Variants in RBFOX1 observed in about 807,000 individuals in gnomAD.
The protein encoded by RBFOX1 is RNA binding fox-1 homolog 1, also known as RNA binding protein fox-1 homolog 1.
Under a neutral mutation model 57.7 loss-of-function variants are expected in RBFOX1, and 8 were observed. That is an observed-to-expected ratio of 0.14 (90% CI 0.08 to 0.25). RBFOX1 has a LOEUF of 0.25. Ranked by LOEUF, RBFOX1 falls within the 10% of genes least tolerant of loss-of-function variation. RBFOX1 has a pLI of 1.00. For missense variants in RBFOX1, 611 were observed against 548.5 expected (o/e 1.11, Z -1.14); for synonymous variants, 326 against 222.4 (o/e 1.47, Z -4.15).
intron 12 of RBFOX1, among the ~76,000 whole-genome samples, chr16:7,659,987 A>T (rs2067290830): frequency 6.6e-6 from 1 of 152,178 alleles, no homozygotes; most frequent in African/African-American, 2.4e-5. Flanking sequence ...AATATCCATT[A>T]AAAAATAGCG....
intron 3 of RBFOX1, among the ~76,000 whole-genome samples, chr16:6,928,261 C>T (rs920012813): frequency 2.6e-5 from 4 of 152,136 alleles, no homozygotes; most frequent in Non-Finnish European, 4.4e-5. Context: ...CCTGGGCATC[C>T]AGATTTTTAA....
intron 4 of RBFOX1, among the ~76,000 whole-genome samples, chr16:7,104,657 AAGAC>A (rs1185678637): frequency 1.3e-5 from 2 of 152,170 alleles, no homozygotes; most frequent in Non-Finnish European, 2.9e-5. Flanking sequence ...GGACACCAGA[AAGAC>A]ACATGTTTTC....
chr16:6,187,821 G>C lies in RBFOX1; in HGVS notation c.-126-129174G>C, dbSNP rs558946438. 2.6e-5 allele frequency among the ~76,000 whole-genome samples: 4 copies of C among 152,286 alleles called. No individual in the cohort carries two copies. In the South Asian group the frequency reaches 8.3e-4, roughly 32 times the overall value. On this transcript the variant is annotated intron_variant, in intron 1 of 15. Coordinates refer to ENST00000550418, the MANE Select transcript of RBFOX1 (RefSeq NM_018723.4). ...TTGCCAGACACCCAGAGCAAAGTCAGCTTTCCTCTCTGGCTCTGATACGAA... is the reference window on the plus strand; with the variant it reads ...TTGCCAGACACCCAGAGCAAAGTCACCTTTCCTCTCTGGCTCTGATACGAA...
At chr16:6,679,878 G>GTTTTTTTTTTT (rs71145274) in intron 3 of RBFOX1, among the ~76,000 whole-genome samples, 19 of 114,302 alleles carry the variant, frequency 1.7e-4, no homozygotes, top group African/African-American at 5.1e-4. Context: ...GTTTCTACTT[G>GTTTTTTTTTTT]TTTTTTTTTT....
At position 5,463,102 on chromosome 16, in the gene RBFOX1, G is replaced by A. The variant is rs979485785; in HGVS notation, c.220-4114G>A. On this transcript the variant is annotated intron_variant, in intron 1 of 2. Transcript: ENST00000585867. The stretch of plus-strand genomic sequence containing the variant: ...AGATAGATATATTTTTGCATTTTTA[G>A]GAAAATGGTTAGAAGAATACACGTC... Among the ~76,000 whole-genome samples the A allele has an allele frequency of 2.6e-5, 4 of 152,286 alleles. No individual in the cohort carries two copies. In the South Asian group the frequency reaches 8.3e-4, roughly 32 times the overall value.
chr16:6,533,979 G>T (rs1385498898), intron 2 of RBFOX1, among the ~76,000 whole-genome samples: 1 of 152,124 alleles, frequency 6.6e-6, no homozygotes, highest in African/African-American at 2.4e-5. Context: ...ATATATGTGT[G>T]TATATATACA....
At chr16:6,326,070 C>G (rs2082334914) in intron 2 of RBFOX1, among the ~76,000 whole-genome samples, 1 of 152,154 alleles carries the variant, frequency 6.6e-6, no homozygotes, top group South Asian at 2.1e-4. Context: ...TCGGTTAACT[C>G]TTATTGAACC....
At position 6,150,922 on chromosome 16, in the gene RBFOX1, C is replaced by T. The variant is rs537579048; in HGVS notation, c.-127+130930C>T. Among the ~76,000 whole-genome samples, 3 of 152,286 alleles carry T rather than the reference C, an allele frequency of 2.0e-5. No homozygotes were observed. In the East Asian group the frequency reaches 5.8e-4, roughly 29 times the overall value. On this transcript the variant is annotated intron_variant, in intron 1 of 15. Transcript: ENST00000550418. ...TTTTCCGGCAATTCATTGATTGACA[C>T]CTTGGGCGCCCTACATTTGTGCTAG...
intron 1 of RBFOX1, among the ~76,000 whole-genome samples, chr16:6,114,033 G>A (rs2096473099): frequency 7.3e-6 from 1 of 137,452 alleles, no homozygotes; most frequent in South Asian, 2.3e-4. Flanking sequence ...GCCACCTGGG[G>A]AGAAATTATT....
intron 4 of RBFOX1, among the ~76,000 whole-genome samples, chr16:7,481,017 C>T (rs192444815): frequency 6.6e-6 from 1 of 152,126 alleles, no homozygotes; most frequent in Admixed American, 6.5e-5. Flanking sequence ...AGTGATATGG[C>T]CAAAGAACCC....
chr16:7,264,111 G>A (rs1009710556), intron 4 of RBFOX1, among the ~76,000 whole-genome samples: 2 of 152,056 alleles, frequency 1.3e-5, no homozygotes, highest in Non-Finnish European at 2.9e-5. Context: ...TAAACAAAAT[G>A]ACTACCCTCT....
At chr16:5,543,207 A>G (rs2045038440) in intron 2 of RBFOX1, among the ~76,000 whole-genome samples, 1 of 152,232 alleles carries the variant, frequency 6.6e-6, no homozygotes, top group Admixed American at 6.5e-5. Context: ...GAAGTTGCAA[A>G]GAAGCATGAA....
intron 3 of RBFOX1, among the ~76,000 whole-genome samples, chr16:6,714,697 C>T (rs1365207890): frequency 6.6e-6 from 1 of 152,026 alleles, no homozygotes; most frequent in Non-Finnish European, 1.5e-5. Flanking sequence ...ATTGGTGGGG[C>T]CCTGGAGTGC....
chr16:7,252,161 T>G (rs956257726), intron 4 of RBFOX1, among the ~76,000 whole-genome samples: 1 of 152,248 alleles, frequency 6.6e-6, no homozygotes, highest in Non-Finnish European at 1.5e-5. Flanking sequence ...TGAGAACTCC[T>G]ATTTCTTACA....
At chr16:7,512,063 C>T (rs2075239103) in intron 4 of RBFOX1, among the ~76,000 whole-genome samples, 1 of 151,278 alleles carries the variant, frequency 6.6e-6, no homozygotes, top group African/African-American at 2.4e-5. Context: ...CACCCTGACT[C>T]TGCAGATATC....
At chr16:7,482,085 AG>A (rs2064103999) in intron 4 of RBFOX1, among the ~76,000 whole-genome samples, 1 of 152,244 alleles carries the variant, frequency 6.6e-6, no homozygotes, top group South Asian at 2.1e-4. Context: ...ACACCTAGCA[AG>A]GGCTAGTGAT....
chr16:5,535,693 A>G (rs1217703157), intron 2 of RBFOX1, among the ~76,000 whole-genome samples: 1 of 152,150 alleles, frequency 6.6e-6, no homozygotes, highest in East Asian at 1.9e-4. Context: ...GAACACCAAG[A>G]GCCTCCTTTC....
intron 3 of RBFOX1, among the ~76,000 whole-genome samples, chr16:6,766,113 C>T (rs1462747037): frequency 1.3e-5 from 2 of 151,562 alleles, no homozygotes; most frequent in Non-Finnish European, 2.9e-5. Flanking sequence ...TAACCTGTAA[C>T]CCTAAAGCTA....
chr16:7,585,851 C>G (rs1294374012), intron 6 of RBFOX1, among the ~76,000 whole-genome samples: 3 of 152,140 alleles, frequency 2.0e-5, no homozygotes, highest in African/African-American at 7.2e-5. Context: ...GACTGAAACA[C>G]ATAGTCAGGC....
Sources: gnomAD v4.1 joint callset for allele counts (sites outside exome capture counted in the v4.1 genomes callset) on GRCh38, gnomAD v4.1.1 for gene constraint, MANE v1.5 for transcripts, NCBI Gene and HGNC (gene_info 2026-07-23, HGNC 2026-07-21) for gene names.